Variants in ZCWPW2 observed in about 807,000 individuals in gnomAD.
ZCWPW2 encodes zinc finger CW-type PWWP domain protein 2.
In ZCWPW2, 45 loss-of-function variants were observed where a neutral mutation model predicts 46.6. The observed-to-expected ratio is 0.96, with a 90% CI of 0.76 to 1.24. The LOEUF is 1.24. ZCWPW2 is among the 50% of genes most tolerant of loss of function. ZCWPW2 has a pLI of 0.00. For synonymous variants in ZCWPW2, 152 were observed against 137.1 expected (o/e 1.11, Z -0.76); for missense variants, 429 against 403.9 (o/e 1.06, Z -0.53).
intron 6 of ZCWPW2, among the ~76,000 whole-genome samples, chr3:28,505,386 A>G (rs1700248893): frequency 6.6e-6 from 1 of 152,174 alleles, no homozygotes; most frequent in African/African-American, 2.4e-5. Flanking sequence ...TGGAGCATGT[A>G]GCAATTGATG....
At chr3:28,468,710 A>G (rs1399774834) in intron 4 of ZCWPW2, among the ~76,000 whole-genome samples, 1 of 152,226 alleles carries the variant, frequency 6.6e-6, no homozygotes, top group African/African-American at 2.4e-5. Context: ...AGAATAGCAT[A>G]TCTAGCAAAA....
intron 1 of ZCWPW2, among the ~76,000 whole-genome samples, chr3:28,357,589 C>A (rs1184976132): frequency 6.6e-6 from 1 of 151,704 alleles, no homozygotes; most frequent in Non-Finnish European, 1.5e-5. Flanking sequence ...GCTCTCTCTG[C>A]TTGAATATTT....
chr3:28,477,075 A>G (rs1699262025), intron 4 of ZCWPW2, among the ~76,000 whole-genome samples: 1 of 152,178 alleles, frequency 6.6e-6, no homozygotes, highest in South Asian at 2.1e-4. Context: ...TATATACAGA[A>G]TAGTGTAGGA....
intron 4 of ZCWPW2, among the ~76,000 whole-genome samples, chr3:28,455,100 A>G (rs998096814): frequency 6.6e-6 from 1 of 152,212 alleles, no homozygotes; most frequent in Non-Finnish European, 1.5e-5. Flanking sequence ...CATTCCCACC[A>G]TCAGTGTAGA....
intron 1 of ZCWPW2, among the ~76,000 whole-genome samples, chr3:28,382,179 A>G (rs887605584): frequency 6.6e-5 from 10 of 151,872 alleles, no homozygotes; most frequent in African/African-American, 2.4e-4. Context: ...AAAAAAAAAA[A>G]AAGAGAAATT....
At chr3:28,506,342 T>A (rs1700277533) in intron 6 of ZCWPW2, among the ~76,000 whole-genome samples, 1 of 151,832 alleles carries the variant, frequency 6.6e-6, no homozygotes, top group African/African-American at 2.4e-5. Context: ...CTGGGCCCAG[T>A]CCCAGAGTAT....
At chr3:28,497,804 C>T (rs1045146934) in intron 6 of ZCWPW2, among the ~76,000 whole-genome samples, 2 of 152,084 alleles carry the variant, frequency 1.3e-5, no homozygotes, top group Admixed American at 1.3e-4. Flanking sequence ...CTGCCCTTCA[C>T]TTAACTCCCT....
intron 3 of ZCWPW2, among the ~76,000 whole-genome samples, chr3:28,426,797 T>C (rs1697031198): frequency 6.6e-6 from 1 of 152,192 alleles, no homozygotes; most frequent in Admixed American, 6.5e-5. Flanking sequence ...CAAGTAAAGT[T>C]TGCTCTCCAC....
At chr3:28,442,459 C>G (rs950208940) in intron 4 of ZCWPW2, among the ~76,000 whole-genome samples, 2 of 152,132 alleles carry the variant, frequency 1.3e-5, no homozygotes, top group Non-Finnish European at 2.9e-5. Context: ...ATATAATGGA[C>G]CAGTGTGATA....
At chr3:28,365,836 G>A (rs1386453327) in intron 1 of ZCWPW2, among the ~76,000 whole-genome samples, 1 of 141,158 alleles carries the variant, frequency 7.1e-6, no homozygotes, top group African/African-American at 2.5e-5. Context: ...GCAGTGGTTT[G>A]TAGTTTTCCT....
chr3:28,489,652 T>TCA (rs1206979573), intron 5 of ZCWPW2, among the ~76,000 whole-genome samples: 6 of 134,688 alleles, frequency 4.5e-5, no homozygotes, highest in African/African-American at 1.7e-4. Context: ...TCTCTCTCTT[T>TCA]CACACACACA....
intron 1 of ZCWPW2, among the ~76,000 whole-genome samples, chr3:28,358,820 A>G (rs1481904728): frequency 6.6e-6 from 1 of 151,970 alleles, no homozygotes; most frequent in African/African-American, 2.4e-5. Context: ...TGGAGGAGGA[A>G]TTTATATCTC....
At chr3:28,392,235 T>C (rs573885684) in intron 2 of ZCWPW2, among the ~76,000 whole-genome samples, 1 of 152,294 alleles carries the variant, frequency 6.6e-6, no homozygotes, top group East Asian at 1.9e-4. Context: ...CATTATATAA[T>C]GATAAAAGAG....
At chr3:28,398,470 G>A (rs888355290) in intron 2 of ZCWPW2, among the ~76,000 whole-genome samples, 2 of 152,178 alleles carry the variant, frequency 1.3e-5, no homozygotes, top group African/African-American at 4.8e-5. Context: ...CGGATGGATA[G>A]AACAGTGTGC....
chr3:28,378,933 A>G (rs762168678), intron 1 of ZCWPW2, among the ~76,000 whole-genome samples: 22 of 152,130 alleles, frequency 1.4e-4, no homozygotes, highest in Non-Finnish European at 2.8e-4. Flanking sequence ...GAGGCATATA[A>G]TAGGGATACT....
At chr3:28,519,093 T>G (rs1401040900) in intron 8 of ZCWPW2, among the ~76,000 whole-genome samples, 1 of 152,250 alleles carries the variant, frequency 6.6e-6, no homozygotes, top group African/African-American at 2.4e-5. Context: ...TTTGTGTTCT[T>G]AGGCCTTAGC....
chr3:28,372,058 C>G (rs1705353308), intron 1 of ZCWPW2, among the ~76,000 whole-genome samples: 1 of 151,844 alleles, frequency 6.6e-6, no homozygotes, highest in Non-Finnish European at 1.5e-5. Context: ...CCCTCCTCCT[C>G]CTTCTTCCTC....
chr3:28,501,608 A>T (rs1288985575), intron 6 of ZCWPW2, among the ~76,000 whole-genome samples: 1 of 152,160 alleles, frequency 6.6e-6, no homozygotes, highest in Non-Finnish European at 1.5e-5. Flanking sequence ...TAGTTTGATA[A>T]ATTTTTCTTA....
chr3:28,408,292 C>G (rs951765864), intron 2 of ZCWPW2, among the ~76,000 whole-genome samples: 1 of 152,114 alleles, frequency 6.6e-6, no homozygotes, highest in Admixed American at 6.6e-5. Flanking sequence ...CATAAGCTTT[C>G]CATTGATGTG....
Sources: allele counts gnomAD v4.1 joint callset (sites outside exome capture counted in the v4.1 genomes callset), GRCh38; gene constraint gnomAD v4.1.1; transcripts MANE v1.5; gene names NCBI Gene and HGNC (gene_info 2026-07-23, HGNC 2026-07-21).